The following C10orf105 variants were observed in gnomAD, a reference collection of about 807,000 sequenced individuals.
C10orf105 encodes chromosome 10 open reading frame 105.
C10orf105 carries 2 observed loss-of-function variants against 0.6 expected under a neutral mutation model. That is an observed-to-expected ratio of 3.18 (90% CI 1.30 to 10.01). The LOEUF is 10.01. Among genes scored for constraint, C10orf105 ranks in the 30% most tolerant of loss-of-function variants. C10orf105 has a pLI of 0.04. For synonymous variants in C10orf105, 95 were observed against 82.4 expected (o/e 1.15, Z -0.83); for missense variants, 209 against 191.4 (o/e 1.09, Z -0.54).
rs781281931 is a variant in C10orf105, at chr10:71,716,205, T to A, written c.133A>T (p.Ile45Phe). 6.4e-7 allele frequency: 1 copy of A among 1,551,104 alleles called. No individual in the cohort carries two copies. Among genetic ancestry groups the A allele is most frequent in the South Asian group, 1.2e-5 (1 of 84,032 alleles). Reference sequence around the variant, plus strand: ...AGACAGGTGGCCAGCAGGAGGAAGATGCAGGCCAGGGCGATGAGCATGGGG... The same window carrying A: ...AGACAGGTGGCCAGCAGGAGGAAGAAGCAGGCCAGGGCGATGAGCATGGGG... Reference protein sequence around the residue: ...PLPMLIALACIFLLLATCLLF... With the variant: ...PLPMLIALACFFLLLATCLLF... The change falls in exon 2 of 2, where the codon ATC (isoleucine) becomes TTC (phenylalanine). Residue 45 changes from isoleucine to phenylalanine, a missense_variant. Ile to Phe is a conservative substitution (Grantham distance 21, BLOSUM62 0). Coordinates refer to ENST00000441508, the MANE Select transcript of C10orf105 (RefSeq NM_001164375.3).
chr10:71,732,962 T>C (rs567420146), intron 1 of C10orf105, among the ~76,000 whole-genome samples: 6 of 152,222 alleles, frequency 3.9e-5, no homozygotes, highest in Non-Finnish European at 7.4e-5. Context: ...AATTCTCCAG[T>C]AGACACCATA....
chr10:71,720,301 G>A (rs1866493864), upstream of C10orf105, among the ~76,000 whole-genome samples: 1 of 152,142 alleles, frequency 6.6e-6, no homozygotes, highest in African/African-American at 2.4e-5. Flanking sequence ...GGGGTGAGGG[G>A]CATCTTCAAA....
rs1337868456 is a variant in C10orf105, at chr10:71,714,254, T to C, written c.*1682A>G. The C allele has an allele frequency of 2.0e-5, 3 of 151,956 alleles. No homozygotes were observed. Among genetic ancestry groups the C allele is most frequent in the Non-Finnish European group, 4.4e-5 (3 of 67,962 alleles). The allele number at this position is 151,956 out of a possible 1,614,324, so 9.4% of individuals were successfully genotyped here. ...TCATCTGAGGGAAGATGAGGCTCTG[T>C]GTTATGCCAGCTTCCACCAAGACTC... On this transcript the variant is annotated 3_prime_UTR_variant, in exon 2 of 2. Transcript: ENST00000441508.
intron 1 of C10orf105, among the ~76,000 whole-genome samples, chr10:71,726,884 T>A (rs985954539): frequency 1.3e-5 from 2 of 152,222 alleles, no homozygotes; most frequent in East Asian, 3.8e-4. Context: ...TGCCTCAGCA[T>A]TGTGGCTGCA....
chr10:71,725,569 C>A (rs752078066), intron 1 of C10orf105: 1 of 1,583,812 alleles, frequency 6.3e-7, no homozygotes, highest in South Asian at 1.1e-5. Flanking sequence ...GGGGCCAAGC[C>A]CACAGCTAGA....
At position 71,732,339 on chromosome 10, in the gene C10orf105, C is replaced by T. The variant is rs143136329; in HGVS notation, c.-6+5389G>A. On this transcript the variant is annotated intron_variant, in intron 1 of 1. Coordinates refer to the C10orf105 transcript ENST00000398786. Reference sequence around the variant, plus strand: ...ACCGCTTCAACGCCTACACCAGCACCCAGGCCAAAGCCCTCTTCAAGATAG... The same window carrying T: ...ACCGCTTCAACGCCTACACCAGCACTCAGGCCAAAGCCCTCTTCAAGATAG... The T allele has an allele frequency of 5.7e-6, 9 of 1,582,558 alleles. No homozygotes were observed. The highest frequency in any genetic ancestry group is 7.7e-6 in the Non-Finnish European group (9 of 1,164,036).
chr10:71,713,348 G>C lies in C10orf105; in HGVS notation c.*2588C>G. The C allele has an allele frequency of 1.3e-6, 1 of 763,756 alleles. No homozygotes were observed. Among genetic ancestry groups the C allele is most frequent in the Non-Finnish European group, 2.4e-6 (1 of 410,326 alleles). The allele number at this position is 763,756 out of a possible 1,614,324, so 47.3% of individuals were successfully genotyped here. On this transcript the variant is annotated 3_prime_UTR_variant, in exon 2 of 2. Transcript: ENST00000441508. ...AATTTGGGTGTGCACCCACACCTCTGCCCAGAGGCCTCAGTTGCTGGGTGG... is the reference window on the plus strand; with the variant it reads ...AATTTGGGTGTGCACCCACACCTCTCCCCAGAGGCCTCAGTTGCTGGGTGG...
chr10:71,722,906 A>C (rs1866623091), upstream of C10orf105, among the ~76,000 whole-genome samples: 1 of 152,124 alleles, frequency 6.6e-6, no homozygotes, highest in Non-Finnish European at 1.5e-5. Context: ...TGTGCAAGAG[A>C]GGGGCTGTTG....
chr10:71,729,666 G>A (rs1839289972), intron 1 of C10orf105, among the ~76,000 whole-genome samples: 1 of 152,160 alleles, frequency 6.6e-6, no homozygotes, highest in African/African-American at 2.4e-5. Context: ...ACTGAGCACT[G>A]ACATTCTCTA....
chr10:71,734,628 C>T, intron 1 of C10orf105: 6 of 1,529,838 alleles, frequency 3.9e-6, no homozygotes, highest in Non-Finnish European at 5.3e-6. Flanking sequence ...TTCTCTCACT[C>T]CCCTCCTGCT....
chr10:71,737,404 C>T (rs939185715), intron 1 of C10orf105, among the ~76,000 whole-genome samples: 1 of 152,228 alleles, frequency 6.6e-6, no homozygotes, highest in South Asian at 2.1e-4. Context: ...GTTGGGTTGG[C>T]CTAGCTGCGA....
chr10:71,732,616 G>C (rs1839429823), intron 1 of C10orf105: 12 of 1,401,636 alleles, frequency 8.6e-6, no homozygotes, highest in Non-Finnish European at 1.1e-5. Flanking sequence ...CCGGGCAACA[G>C]AGTGAGACCT....
intron 1 of C10orf105, chr10:71,725,502 C>G (rs778812276): frequency 6.2e-7 from 1 of 1,613,542 alleles, no homozygotes; most frequent in Non-Finnish European, 8.5e-7. Flanking sequence ...ACCTGGGCCC[C>G]ATGCGGAGCT....
upstream of C10orf105, among the ~76,000 whole-genome samples, chr10:71,720,648 G>A (rs1356124599): frequency 6.6e-6 from 1 of 152,178 alleles, no homozygotes. Context: ...CCCAGTTTCT[G>A]GTTTTTAGCT....
At chr10:71,732,519 C>T (rs745979749) in intron 1 of C10orf105, 23 of 1,358,966 alleles carry the variant, frequency 1.7e-5, no homozygotes, top group Non-Finnish European at 2.3e-5. Flanking sequence ...GTAGTCCCAG[C>T]TGCTTGAGAG....
chr10:71,733,924 G>A (rs1429641749), intron 1 of C10orf105, among the ~76,000 whole-genome samples: 1 of 152,230 alleles, frequency 6.6e-6, no homozygotes, highest in Non-Finnish European at 1.5e-5. Context: ...AGAGTTCTCA[G>A]GCTAGAAGTG....
chr10:71,725,744 A>G (rs1337624438), intron 1 of C10orf105, among the ~76,000 whole-genome samples: 1 of 152,224 alleles, frequency 6.6e-6, no homozygotes, highest in African/African-American at 2.4e-5. Flanking sequence ...GGAGTCAGTG[A>G]TACTGATGTC....
Position 71,713,000 on chromosome 10 carries a change from GC to G in C10orf105, c.*2935del, listed in dbSNP as rs1564749635. ...CCCTCTCCCATCCCAGGGAGTGTGG[GC>G]CCCCAGGTTGCAGAGCTGAGGATAG... On this transcript the variant is annotated 3_prime_UTR_variant, in exon 2 of 2. Transcript: ENST00000441508. 3.9e-6 allele frequency: 3 copies of G among 776,744 alleles called. No homozygotes were observed. In the Admixed American group the frequency reaches 6.2e-5, roughly 16 times the overall value. The allele number at this position is 776,744 out of a possible 1,614,324, so 48.1% of individuals were successfully genotyped here.
In C10orf105 at chr10:71,716,269, G is replaced by A. The variant is rs570478513; in HGVS notation, c.69C>T (p.Pro23=). The A allele has an allele frequency of 9.7e-6, 15 of 1,538,870 alleles. No homozygotes were observed. The highest frequency in any genetic ancestry group is 2.5e-5 in the East Asian group (1 of 40,476). Residue 23 remains proline (P), a synonymous_variant, in exon 2 of 2, where the codon CCC becomes CCT. Coordinates refer to ENST00000441508, the MANE Select transcript of C10orf105 (RefSeq NM_001164375.3). The part of the protein sequence containing the change: ...AISPLAFLSA[P]VTPGTLAEAT... ...CCTCTGCAAGGGTCCCGGGAGTGAC[G>A]GGAGCTGAGAGAAAGGCGAGGGGGC...
Sources: allele counts gnomAD v4.1 joint callset (sites outside exome capture counted in the v4.1 genomes callset), GRCh38; gene constraint gnomAD v4.1.1; transcripts MANE v1.5; gene names NCBI Gene and HGNC (gene_info 2026-07-23, HGNC 2026-07-21).